The following NT5DC4 variants were observed in gnomAD, a reference collection of about 807,000 sequenced individuals.
The protein encoded by NT5DC4 is 5'-nucleotidase domain containing 4.
A neutral mutation model predicts 26.6 loss-of-function variants in NT5DC4; 44 were observed. The ratio of observed to expected loss-of-function variants is 1.65; its 90% CI spans 1.30 to 2.13. The LOEUF (loss-of-function observed/expected upper bound fraction) is 2.13. Among genes scored for constraint, NT5DC4 ranks in the 30% most tolerant of loss-of-function variants. NT5DC4 has a pLI of 0.00. For synonymous variants in NT5DC4, 157 were observed against 86.7 expected, an observed-to-expected ratio of 1.81 and a Z score of -4.51; for missense variants, 399 against 228.1, an observed-to-expected ratio of 1.75 and a Z score of -4.83.
At chr2:112,730,022 G>A (rs1678289235) in intron 16 of NT5DC4, among the ~76,000 whole-genome samples, 1 of 151,958 alleles carries the variant, frequency 6.6e-6, no homozygotes, top group Non-Finnish European at 1.5e-5. Context: ...TTTTAAAATG[G>A]GATATTGGAG....
At chr2:112,726,787 C>T (rs1400946096) in intron 15 of NT5DC4, 49 bp downstream of exon 15, 9 of 716,878 alleles carry the variant, frequency 1.3e-5, no homozygotes, top group African/African-American at 3.5e-5. Flanking sequence ...GGGGCGGAGC[C>T]GGGTTCACTT....
At chr2:112,724,305 C>A in intron 10 of NT5DC4, 179 bp downstream of exon 10, 2 of 639,418 alleles carry the variant, frequency 3.1e-6, no homozygotes, top group Admixed American at 2.2e-5. Context: ...AGCCTGGTGA[C>A]CTCAGCCAGG....
At position 112,738,737 on chromosome 2, in the gene NT5DC4, CTCT is replaced by C. The variant is rs577431814; in HGVS notation, c.1345-174_1345-172del. 3.3e-4 allele frequency: 290 copies of C among 876,896 alleles called. 1 individual carries two copies. Among genetic ancestry groups the C allele is most frequent in the Non-Finnish European group, 4.6e-4 (249 of 547,166 alleles). The allele number at this position is 876,896 out of a possible 1,614,324, so 54.3% of individuals were successfully genotyped here. A position where few individuals can be genotyped will look rare whatever the true frequency, so the allele number is the denominator to read the frequency against. ...TCCATAATCTGCATCCATGATGCCT[CTCT>C]TTTTTTCCAGGTCACTTGGACAAGA... On this transcript the variant is annotated intron_variant, in intron 16 of 16. Coordinates refer to ENST00000688554, the MANE Select transcript of NT5DC4 (RefSeq NM_001393655.1).
intron 16 of NT5DC4, among the ~76,000 whole-genome samples, chr2:112,734,169 A>ATATGTGTGTATGTG (rs150412692): frequency 8.2e-5 from 11 of 134,866 alleles, no homozygotes; most frequent in Admixed American, 6.8e-4. Flanking sequence ...TATTATATAT[A>ATATGTGTGTATGTG]TGTGTGTGTG....
chr2:112,719,978 C>CTTTCTTTT (rs1676733513), upstream of NT5DC4, among the ~76,000 whole-genome samples: 5 of 81,824 alleles, frequency 6.1e-5, no homozygotes, highest in Admixed American at 3.0e-4. Flanking sequence ...TTCTTTCTTT[C>CTTTCTTTT]TTTCTTTCTT....
rs1377088927 is a variant in NT5DC4 at position 112,724,090 on chromosome 2, C to T, written c.757-4C>T. On this transcript the variant is annotated splice_polypyrimidine_tract_variant and splice_region_variant and intron_variant, in intron 9 of 16. Transcript: ENST00000688554. ...GTGCCCTGACGCTGCCTTGTCCTTGCCAGGCCATCATGACCTACCTGTTCA... is the reference window on the plus strand; with the variant it reads ...GTGCCCTGACGCTGCCTTGTCCTTGTCAGGCCATCATGACCTACCTGTTCA... The T allele has an allele frequency of 7.0e-6, 5 of 717,040 alleles. No individual in the cohort carries two copies. The highest frequency in any genetic ancestry group is 1.0e-5 in the Non-Finnish European group (4 of 385,042). The allele number at this position is 717,040 out of a possible 1,614,324, so 44.4% of individuals were successfully genotyped here.
At chr2:112,737,064 T>C (rs1679304509) in intron 16 of NT5DC4, 1 of 152,150 alleles carries the variant, frequency 6.6e-6, no homozygotes, top group South Asian at 2.1e-4. Flanking sequence ...GTAGCTGGGA[T>C]TACAGGTGCC....
rs191878231 is a variant in NT5DC4 at position 112,727,384 on chromosome 2, A to G, written c.1266+646A>G. 10 of 160,664 alleles carry G rather than the reference A, an allele frequency of 6.2e-5. No individual in the cohort carries two copies. In the East Asian group the frequency reaches 1.5e-3, roughly 24 times the overall value. The allele number at this position is 160,664 out of a possible 1,614,324, so 10.0% of individuals were successfully genotyped here. A position where few individuals can be genotyped will look rare whatever the true frequency, so the allele number is the denominator to read the frequency against. ...AGGTCATCCTGGGAGTAAATGTTGG[A>G]ACCATTCTCTAGGCTCTAAAAGCAG... On this transcript the variant is annotated intron_variant, in intron 15 of 16. Coordinates refer to ENST00000688554, the MANE Select transcript of NT5DC4 (RefSeq NM_001393655.1).
chr2:112,735,493 TTTTTC>T (rs1679038519), intron 16 of NT5DC4, among the ~76,000 whole-genome samples: 1 of 119,346 alleles, frequency 8.4e-6, no homozygotes, highest in Non-Finnish European at 2.0e-5. Context: ...CCCCCCCCTT[TTTTTC>T]TTTCTTTAAA....
intron 16 of NT5DC4, among the ~76,000 whole-genome samples, chr2:112,733,950 A>G (rs915305082): frequency 8.5e-5 from 13 of 152,074 alleles, no homozygotes; most frequent in Non-Finnish European, 1.2e-4. Context: ...CCTTATCATC[A>G]CCTTAGTCCT....
downstream of NT5DC4, among the ~76,000 whole-genome samples, chr2:112,739,452 T>G (rs1679705053): frequency 6.6e-6 from 1 of 152,192 alleles, no homozygotes; most frequent in Non-Finnish European, 1.5e-5. Flanking sequence ...ATTTCCAGAA[T>G]GTACTGGGTG....
chr2:112,735,704 T>C (rs1679062576), intron 16 of NT5DC4, among the ~76,000 whole-genome samples: 2 of 152,164 alleles, frequency 1.3e-5, no homozygotes, highest in Admixed American at 1.3e-4. Flanking sequence ...AACAAGAGGG[T>C]TACTGAGTAT....
downstream of NT5DC4, chr2:112,739,157 G>A (rs1160748844): frequency 4.7e-6 from 4 of 848,016 alleles, no homozygotes; most frequent in Non-Finnish European, 7.4e-6. Context: ...TTTAACATAG[G>A]GTGATACAAG....
intron 16 of NT5DC4, chr2:112,737,284 A>G (rs1214772255): frequency 6.6e-6 from 1 of 151,934 alleles, no homozygotes; most frequent in African/African-American, 2.4e-5. Context: ...TCTATTTTTA[A>G]TTTCTTTAGG....
At chr2:112,723,948 C>G (rs1677330767) in intron 9 of NT5DC4, 146 bp downstream of exon 9, 1 of 693,820 alleles carries the variant, frequency 1.4e-6, no homozygotes, top group Non-Finnish European at 2.7e-6. Flanking sequence ...GACTCCATTT[C>G]TTGGCCTTTC....
At chr2:112,721,715 G>C (rs1676884412) in intron 1 of NT5DC4, 103 bp from the exon 2 acceptor site, 4 of 715,268 alleles carry the variant, frequency 5.6e-6, no homozygotes, top group Non-Finnish European at 1.0e-5. Flanking sequence ...AGCTGCAGGG[G>C]GTGCTCTGCC....
upstream of NT5DC4, among the ~76,000 whole-genome samples, chr2:112,719,133 C>G (rs1055919838): frequency 6.6e-6 from 1 of 152,208 alleles, no homozygotes; most frequent in African/African-American, 2.4e-5. Flanking sequence ...TACTACACAC[C>G]TCGGCTGCAG....
chr2:112,719,184 G>A (rs1226465570), upstream of NT5DC4, among the ~76,000 whole-genome samples: 1 of 152,226 alleles, frequency 6.6e-6, no homozygotes, highest in Non-Finnish European at 1.5e-5. Context: ...CCACAAACAT[G>A]TGAGTGATGC....
chr2:112,739,711 G>A (rs1283766272), downstream of NT5DC4, among the ~76,000 whole-genome samples: 3 of 152,060 alleles, frequency 2.0e-5, no homozygotes, highest in South Asian at 4.1e-4. Flanking sequence ...CTAGAGTCCA[G>A]TGGTGCAATC....
Sources: gnomAD v4.1 joint callset for allele counts (sites outside exome capture counted in the v4.1 genomes callset) on GRCh38, gnomAD v4.1.1 for gene constraint, MANE v1.5 for transcripts, NCBI Gene and HGNC (gene_info 2026-07-23, HGNC 2026-07-21) for gene names.